The following COL28A1 variants were observed in gnomAD, a reference collection of about 807,000 sequenced individuals.
COL28A1 encodes the protein collagen alpha-1(XXVIII) chain.
COL28A1 carries 161 observed loss-of-function variants against 150.2 expected under a neutral mutation model. That is an observed-to-expected ratio of 1.07 (90% CI 0.94 to 1.22). The LOEUF (loss-of-function observed/expected upper bound fraction) is 1.22. COL28A1 is among the 50% of genes most tolerant of loss of function. COL28A1 has a pLI of 0.00. For missense variants in COL28A1, 1,617 were observed against 1,388.3 expected, an observed-to-expected ratio of 1.16 and a Z score of -2.62; for synonymous variants, 552 against 469.7, an observed-to-expected ratio of 1.18 and a Z score of -2.26.
intron 3 of COL28A1, 84 bp from the exon 4 acceptor site, chr7:7,524,333 G>A: frequency 1.2e-6 from 1 of 816,572 alleles, no homozygotes; most frequent in Non-Finnish European, 2.1e-6. Flanking sequence ...TTCCCTATGG[G>A]ATATGAAGTT....
At chr7:7,524,596 A>G (rs889892193) in intron 3 of COL28A1, among the ~76,000 whole-genome samples, 1 of 152,218 alleles carries the variant, frequency 6.6e-6, no homozygotes, top group Non-Finnish European at 1.5e-5. Context: ...TCACTTTTAC[A>G]TACAAAGACT....
chr7:7,370,677 G>A (rs1440083891), intron 33 of COL28A1, 48 bp downstream of exon 33: 5 of 1,482,686 alleles, frequency 3.4e-6, no homozygotes, highest in Non-Finnish European at 4.6e-6. Flanking sequence ...ATGAAACAGA[G>A]AGAATACACC....
the COL28A1 span, among the ~76,000 whole-genome samples, chr7:7,347,852 C>T: frequency 1.3e-5 from 2 of 151,896 alleles, no homozygotes; most frequent in Admixed American, 6.6e-5. Context: ...GATGCTGAAA[C>T]AGGATGAAGG....
chr7:7,515,991 CTT>C (rs1781395235), intron 7 of COL28A1, 151 bp from the exon 8 acceptor site: 2 of 548,154 alleles, frequency 3.6e-6, no homozygotes, highest in African/African-American at 2.0e-5. Flanking sequence ...TTCCACTTCT[CTT>C]TGTGCTTGGA....
At chr7:7,523,798 A>G (rs1452107040) in intron 4 of COL28A1, among the ~76,000 whole-genome samples, 2 of 152,106 alleles carry the variant, frequency 1.3e-5, no homozygotes, top group African/African-American at 4.8e-5. Context: ...AATGAGCTCA[A>G]AGTCAATTGG....
At chr7:7,484,005 C>T (rs1197156072) in intron 13 of COL28A1, among the ~76,000 whole-genome samples, 1 of 151,682 alleles carries the variant, frequency 6.6e-6, no homozygotes, top group African/African-American at 2.4e-5. Context: ...AACCAAATAT[C>T]TAGTAGGATT....
chr7:7,431,435 G>C (rs1446870571), intron 25 of COL28A1: 3 of 442,672 alleles, frequency 6.8e-6, no homozygotes, highest in Non-Finnish European at 1.4e-5. Flanking sequence ...ACATACAGAG[G>C]GGTTGGGGTA....
the COL28A1 span, among the ~76,000 whole-genome samples, chr7:7,341,385 TTC>T: frequency 6.6e-6 from 1 of 152,118 alleles, no homozygotes; most frequent in Non-Finnish European, 1.5e-5. Flanking sequence ...TCTCATTATT[TTC>T]TTTTTTAAAA....
At chr7:7,353,353 A>G (rs1780274387), downstream of COL28A1, among the ~76,000 whole-genome samples, 1 of 152,134 alleles carries the variant, frequency 6.6e-6, no homozygotes, top group African/African-American at 2.4e-5. Flanking sequence ...TCAGACCTTC[A>G]ACTTGTCTTG....
Position 7,370,829 on chromosome 7 carries a change from G to C in COL28A1, c.2962C>G (p.Leu988Val). The C allele has an allele frequency of 6.2e-7, 1 of 1,613,132 alleles. No individual in the cohort carries two copies. Among genetic ancestry groups the C allele is most frequent in the Non-Finnish European group, 8.5e-7 (1 of 1,179,422 alleles). The change falls in exon 33 of 35, where the codon CTC becomes GTC. Residue 988 changes from leucine (L) to valine (V), a missense_variant. Leu to Val is a conservative substitution (Grantham distance 32). Coordinates refer to ENST00000399429, the MANE Select transcript of COL28A1 (RefSeq NM_001037763.3). ...GACGATGAACCAAAAATTTGAACGA[G>C]ATAGGAATCAAAATCCTCACAAATT... is the stretch of plus-strand genomic sequence containing the variant. ...QKICEDFDSY[L>V]VQIFGSSSPQ...
intron 8 of COL28A1, among the ~76,000 whole-genome samples, chr7:7,514,126 T>C (rs1781296245): frequency 6.6e-6 from 1 of 152,208 alleles, no homozygotes; most frequent in Non-Finnish European, 1.5e-5. Flanking sequence ...AATATATGTA[T>C]AAAGCTTCCT....
intron 30 of COL28A1, among the ~76,000 whole-genome samples, chr7:7,378,217 G>A (rs1781669883): frequency 6.6e-6 from 1 of 152,186 alleles, no homozygotes; most frequent in Non-Finnish European, 1.5e-5. Flanking sequence ...GCCTAGAACA[G>A]GGCTGCTCAG....
intron 25 of COL28A1, among the ~76,000 whole-genome samples, chr7:7,426,048 AGC>A (rs1784629024): frequency 6.6e-6 from 1 of 152,226 alleles, no homozygotes; most frequent in East Asian, 1.9e-4. Flanking sequence ...AGAAGGTGGA[AGC>A]AAGATATACT....
rs528536756 is a variant in COL28A1, at chr7:7,428,677, G to A, written c.1998+3796C>T. ...GCTTGGCTTCCCCATCAACGAGCCAGGAGATTGGATCCAGGAGTGAGGACA... is the reference window on the plus strand; with the variant it reads ...GCTTGGCTTCCCCATCAACGAGCCAAGAGATTGGATCCAGGAGTGAGGACA... On this transcript the variant is annotated intron_variant, in intron 25 of 34. Transcript: ENST00000399429. Among the ~76,000 whole-genome samples, 56 of 152,356 alleles carry A rather than the reference G, an allele frequency of 3.7e-4. 2 individuals are homozygous for A. The highest frequency in any genetic ancestry group is 1.3e-3 in the African/African-American group (54 of 41,572).
chr7:7,535,646 G>A (rs1351331168), intron 1 of COL28A1, 104 bp downstream of exon 1: 1 of 151,968 alleles, frequency 6.6e-6, no homozygotes, highest in Non-Finnish European at 1.5e-5. Context: ...CTATTGACAA[G>A]CTTTCTCACC....
chr7:7,369,289 T>G (rs1781097013), intron 33 of COL28A1, among the ~76,000 whole-genome samples: 1 of 152,300 alleles, frequency 6.6e-6, no homozygotes, highest in East Asian at 1.9e-4. Flanking sequence ...ACAATATAGA[T>G]CAGGGTTGGC....
At chr7:7,358,849 T>C in intron 34 of COL28A1, 44 bp from the exon 35 acceptor site, 10 of 1,479,564 alleles carry the variant, frequency 6.8e-6, no homozygotes, top group South Asian at 2.5e-5. Context: ...TTTCTTATAC[T>C]GAAGACATGA....
chr7:7,363,408 ATTAACT>A (rs1562465878), intron 33 of COL28A1, among the ~76,000 whole-genome samples: 1 of 152,202 alleles, frequency 6.6e-6, no homozygotes, highest in Non-Finnish European at 1.5e-5. Context: ...GACAAGCAAA[ATTAACT>A]TTAATAAATG....
chr7:7,374,038 A>AAAAAAAAAAAAATATATATATATATAT, intron 31 of COL28A1, among the ~76,000 whole-genome samples: 1 of 113,656 alleles, frequency 8.8e-6, no homozygotes, highest in African/African-American at 3.8e-5. Flanking sequence ...AAAAAAAAAA[A>AAAAAAAAAAAAATATATATATATATAT]ATATATATAT....
Sources: gnomAD v4.1 joint callset for allele counts (sites outside exome capture counted in the v4.1 genomes callset) on GRCh38, gnomAD v4.1.1 for gene constraint, MANE v1.5 for transcripts, NCBI Gene and HGNC (gene_info 2026-07-23, HGNC 2026-07-21) for gene names.